Variants in HCN1 observed in about 807,000 individuals in gnomAD.
HCN1 encodes potassium/sodium hyperpolarization-activated cyclic nucleotide-gated channel 1.
Under a neutral mutation model 78.9 loss-of-function variants are expected in HCN1, and 13 were observed. That is an observed-to-expected ratio of 0.16 (90% CI 0.11 to 0.26). The LOEUF is 0.26. Among genes scored for constraint, HCN1 ranks in the 10% least tolerant of loss-of-function variants. The pLI is 1.00. For synonymous variants in HCN1, 552 were observed against 455.5 expected, an observed-to-expected ratio of 1.21 and a Z score of -2.70; for missense variants, 810 against 1,154.3, an observed-to-expected ratio of 0.70 and a Z score of 4.32.
intron 2 of HCN1, among the ~76,000 whole-genome samples, chr5:45,602,141 A>G (rs1335579892): frequency 6.6e-6 from 1 of 152,104 alleles, no homozygotes; most frequent in Non-Finnish European, 1.5e-5. Flanking sequence ...CAAAACTATG[A>G]GCAATTAAAC....
intron 2 of HCN1, among the ~76,000 whole-genome samples, chr5:45,524,431 A>G (rs1579948591): frequency 6.6e-6 from 1 of 152,224 alleles, no homozygotes; most frequent in Admixed American, 6.5e-5. Context: ...GATGGCATTG[A>G]ATCTGTAAAT....
At chr5:45,441,082 C>A (rs1740668485) in intron 3 of HCN1, among the ~76,000 whole-genome samples, 1 of 152,058 alleles carries the variant, frequency 6.6e-6, no homozygotes, top group African/African-American at 2.4e-5. Flanking sequence ...TAAATGTCAT[C>A]TTTTTGGGGA....
intron 2 of HCN1, among the ~76,000 whole-genome samples, chr5:45,555,284 C>G (rs1242079972): frequency 6.6e-6 from 1 of 151,664 alleles, no homozygotes; most frequent in Non-Finnish European, 1.5e-5. Flanking sequence ...AAAGTAATCC[C>G]ATTTACACTT....
At chr5:45,328,033 T>A (rs1746270112) in intron 5 of HCN1, among the ~76,000 whole-genome samples, 1 of 151,718 alleles carries the variant, frequency 6.6e-6, no homozygotes. Flanking sequence ...TTGCCCCTTC[T>A]GAAGATCTGC....
In HCN1 at chr5:45,273,329, T is replaced by C. The variant is rs1044605476; in HGVS notation, c.1619-6076A>G. The stretch of plus-strand genomic sequence containing the variant: ...TAGATTTGGCCTAGCACATTATTTG[T>C]ATACCTTTAATAATCCTTAAGGTAT... On this transcript the variant is annotated intron_variant, in intron 6 of 7. Coordinates refer to ENST00000303230, the MANE Select transcript of HCN1 (RefSeq NM_021072.4). Among the ~76,000 whole-genome samples, 3 of 151,826 alleles carry C rather than the reference T, an allele frequency of 2.0e-5. No homozygotes were observed. The South Asian group carries it at 6.2e-4, about 32-fold the overall frequency.
intron 3 of HCN1, among the ~76,000 whole-genome samples, chr5:45,430,863 C>T (rs902205182): frequency 4.6e-5 from 7 of 152,060 alleles, no homozygotes; most frequent in African/African-American, 1.4e-4. Context: ...GGCATTTAGG[C>T]TGATTCCATG....
intron 2 of HCN1, among the ~76,000 whole-genome samples, chr5:45,472,476 A>G (rs1159301797): frequency 7.1e-6 from 1 of 141,806 alleles, no homozygotes; most frequent in African/African-American, 2.5e-5. Flanking sequence ...ATTAGAAGAA[A>G]GTAAAAGAAC....
At chr5:45,271,648 T>A (rs1050267940) in intron 6 of HCN1, among the ~76,000 whole-genome samples, 2 of 152,162 alleles carry the variant, frequency 1.3e-5, no homozygotes, top group Admixed American at 6.6e-5. Flanking sequence ...GTCTCATTAA[T>A]CTTTATATCT....
intron 4 of HCN1, among the ~76,000 whole-genome samples, chr5:45,395,340 T>G (rs1739665623): frequency 6.6e-6 from 1 of 152,178 alleles, no homozygotes; most frequent in African/African-American, 2.4e-5. Context: ...ATAAAGTCTC[T>G]TCTTCCTTAC....
At position 45,505,665 on chromosome 5, in the gene HCN1, GA is replaced by G. The variant is rs140571038; in HGVS notation, c.850-43659del. Among the ~76,000 whole-genome samples, 374 of 152,066 alleles carry G rather than the reference GA, an allele frequency of 2.5e-3. 12 individuals are homozygous for G. In the East Asian group the frequency reaches 0.055, roughly 22 times the overall value. On this transcript the variant is annotated intron_variant, in intron 2 of 7. Coordinates refer to ENST00000303230, the MANE Select transcript of HCN1 (RefSeq NM_021072.4). ...ATTTTAAGGTTTTCATTAAAATCTG[GA>G]TGCATATATATTTAGTTAAAAAATG... is the stretch of plus-strand genomic sequence containing the variant.
At chr5:45,672,667 AATG>A (rs549707065) in intron 1 of HCN1, among the ~76,000 whole-genome samples, 8 of 151,526 alleles carry the variant, frequency 5.3e-5, no homozygotes, top group African/African-American at 1.9e-4. Context: ...CAGAAATGCA[AATG>A]ATGTCATAAA....
intron 2 of HCN1, among the ~76,000 whole-genome samples, chr5:45,499,947 A>G (rs905445059): frequency 6.6e-6 from 1 of 152,182 alleles, no homozygotes; most frequent in African/African-American, 2.4e-5. Context: ...CATACACATA[A>G]AACACACAAA....
At chr5:45,687,223 A>G (rs1739826353) in intron 1 of HCN1, among the ~76,000 whole-genome samples, 1 of 152,134 alleles carries the variant, frequency 6.6e-6, no homozygotes, top group Admixed American at 6.6e-5. Context: ...GCTTCTGTGT[A>G]ATGATCCTTG....
intron 2 of HCN1, among the ~76,000 whole-genome samples, chr5:45,531,988 C>G (rs1311565241): frequency 6.6e-6 from 1 of 152,052 alleles, no homozygotes; most frequent in East Asian, 1.9e-4. Context: ...TGCAGAGAGC[C>G]GAGATCGCAC....
intron 4 of HCN1, among the ~76,000 whole-genome samples, chr5:45,381,537 G>A (rs566297209): frequency 1.1e-4 from 17 of 152,134 alleles, no homozygotes; most frequent in East Asian, 9.7e-4. Context: ...ACAATCCCTC[G>A]TCCCTTACTC....
intron 2 of HCN1, among the ~76,000 whole-genome samples, chr5:45,623,002 TTTCTC>T (rs1172057748): frequency 6.6e-6 from 1 of 152,094 alleles, no homozygotes; most frequent in Non-Finnish European, 1.5e-5. Flanking sequence ...CTCCTTCCTC[TTTCTC>T]TTCTCAACTC....
chr5:45,616,428 A>G (rs1337806644), intron 2 of HCN1, among the ~76,000 whole-genome samples: 1 of 151,998 alleles, frequency 6.6e-6, no homozygotes, highest in African/African-American at 2.4e-5. Context: ...GACAATAAAC[A>G]CTAATATCAT....
chr5:45,348,734 T>A, intron 5 of HCN1, among the ~76,000 whole-genome samples: 1 of 152,026 alleles, frequency 6.6e-6, no homozygotes, highest in East Asian at 1.9e-4. Context: ...TAGTCTCTGA[T>A]AAAACAGACG....
At chr5:45,523,658 C>T (rs1402078947) in intron 2 of HCN1, among the ~76,000 whole-genome samples, 1 of 152,116 alleles carries the variant, frequency 6.6e-6, no homozygotes, top group Non-Finnish European at 1.5e-5. Context: ...TAAATGTCTT[C>T]TTTTGAGAGG....
Sources: allele counts gnomAD v4.1 joint callset (sites outside exome capture counted in the v4.1 genomes callset), GRCh38; gene constraint gnomAD v4.1.1; transcripts MANE v1.5; gene names NCBI Gene and HGNC (gene_info 2026-07-23, HGNC 2026-07-21).